ADAMTSL3: variants seen among roughly 807,000 people sequenced by gnomAD.
The protein encoded by ADAMTSL3 is ADAMTS like 3.
Under a neutral mutation model 201.7 loss-of-function variants are expected in ADAMTSL3, and 128 were observed. The observed-to-expected ratio is 0.63, with a 90% CI of 0.55 to 0.73. ADAMTSL3 has a LOEUF of 0.73. ADAMTSL3 is among the 30% of genes least tolerant of loss of function. The pLI, the probability that ADAMTSL3 is intolerant of heterozygous loss-of-function variation, is 0.00. For synonymous variants in ADAMTSL3, 738 were observed against 748.4 expected (o/e 0.99, Z 0.23); for missense variants, 1,990 against 2,119.6 (o/e 0.94, Z 1.20).
intron 27 of ADAMTSL3, 78 bp downstream of exon 27, chr15:84,025,514 A>G: frequency 7.1e-7 from 1 of 1,407,004 alleles, no homozygotes; most frequent in African/African-American, 1.4e-5. Flanking sequence ...CTTGTTTCCA[A>G]TAAACTACTT....
chr15:83,777,679 C>A (rs1482494662), intron 4 of ADAMTSL3, among the ~76,000 whole-genome samples: 1 of 152,144 alleles, frequency 6.6e-6, no homozygotes, highest in African/African-American at 2.4e-5. Context: ...AAAGAATCAG[C>A]ACAAGAACCC....
intron 5 of ADAMTSL3, among the ~76,000 whole-genome samples, chr15:83,814,832 G>C (rs956432713): frequency 3.3e-5 from 5 of 152,092 alleles, no homozygotes; most frequent in African/African-American, 4.8e-5. Flanking sequence ...ATGAAAGCTT[G>C]GTCCAGTCCT....
chr15:84,016,267 G>A, intron 24 of ADAMTSL3, 116 bp from the exon 25 acceptor site: 3 of 728,708 alleles, frequency 4.1e-6, no homozygotes, highest in South Asian at 1.8e-5. Context: ...GTATCCAGGA[G>A]CACAGTATTA....
intron 6 of ADAMTSL3, among the ~76,000 whole-genome samples, chr15:83,829,588 T>C (rs1238864928): frequency 6.6e-6 from 1 of 152,184 alleles, no homozygotes; most frequent in African/African-American, 2.4e-5. Flanking sequence ...GTGCTTGCTC[T>C]TGCTTCTCTA....
In ADAMTSL3 at chr15:83,980,863, T is replaced by C. The variant is rs551639796; in HGVS notation, c.2645-1410T>C. On this transcript the variant is annotated intron_variant, in intron 20 of 29. Transcript: ENST00000286744. ...GAGGCGTGCAAGAGGACTTCAGTTA[T>C]TCTCAGTTCTCAGGGTACCAGTAAA... Among the ~76,000 whole-genome samples, 7 of 152,324 alleles carry C rather than the reference T, an allele frequency of 4.6e-5. No individual in the cohort carries two copies. The East Asian group carries it at 1.4e-3, about 29-fold the overall frequency.
At chr15:83,857,703 T>A (rs1306353613) in intron 7 of ADAMTSL3, among the ~76,000 whole-genome samples, 2 of 152,246 alleles carry the variant, frequency 1.3e-5, no homozygotes, top group African/African-American at 4.8e-5. Context: ...ATTTTCTAAT[T>A]TTTAATAATA....
At chr15:83,735,444 A>G (rs2062354689) in intron 3 of ADAMTSL3, among the ~76,000 whole-genome samples, 1 of 152,220 alleles carries the variant, frequency 6.6e-6, no homozygotes, top group Non-Finnish European at 1.5e-5. Flanking sequence ...TTAGCCCACA[A>G]AGATGAGGAA....
At chr15:83,824,719 A>C (rs2063982443) in intron 6 of ADAMTSL3, 1 of 152,120 alleles carries the variant, frequency 6.6e-6, no homozygotes, top group South Asian at 2.1e-4. Context: ...AATGTCACAG[A>C]GTTGGAATCA....
chr15:83,953,630 T>A (rs887451942), intron 19 of ADAMTSL3, among the ~76,000 whole-genome samples: 1 of 152,144 alleles, frequency 6.6e-6, no homozygotes, highest in Non-Finnish European at 1.5e-5. Flanking sequence ...TACCAGTGAG[T>A]TTTGTACCTT....
intron 9 of ADAMTSL3, among the ~76,000 whole-genome samples, chr15:83,884,123 C>T (rs1036903414): frequency 2.0e-5 from 3 of 151,636 alleles, no homozygotes; most frequent in African/African-American, 7.3e-5. Context: ...AAACTCCTGA[C>T]CTCAGATGAT....
chr15:83,734,937 C>G (rs567187855), intron 3 of ADAMTSL3, among the ~76,000 whole-genome samples: 102 of 152,180 alleles, frequency 6.7e-4, no homozygotes, highest in Non-Finnish European at 1.2e-3. Flanking sequence ...TGAACACCGA[C>G]AGAAAGTAGG....
At chr15:83,936,950 AACCATAGCGAGAT>A (rs1267745597) in intron 17 of ADAMTSL3, among the ~76,000 whole-genome samples, 2 of 150,974 alleles carry the variant, frequency 1.3e-5, no homozygotes, top group Non-Finnish European at 2.9e-5. Context: ...TGCAAATCAA[AACCATAGCGAGAT>A]ACCATCTCTC....
At chr15:83,687,576 C>G (rs2061555200) in intron 2 of ADAMTSL3, among the ~76,000 whole-genome samples, 1 of 152,112 alleles carries the variant, frequency 6.6e-6, no homozygotes, top group African/African-American at 2.4e-5. Context: ...CCTCTGTCCT[C>G]TTTTGCTTGC....
At chr15:83,802,107 T>A (rs1257631979) in intron 4 of ADAMTSL3, among the ~76,000 whole-genome samples, 1 of 152,176 alleles carries the variant, frequency 6.6e-6, no homozygotes, top group South Asian at 2.1e-4. Flanking sequence ...TCATGCAGCA[T>A]TGCCTTTCCT....
chr15:83,763,863 C>G (rs772459297), intron 3 of ADAMTSL3, among the ~76,000 whole-genome samples: 1 of 152,196 alleles, frequency 6.6e-6, no homozygotes, highest in South Asian at 2.1e-4. Context: ...TGTTAAATAA[C>G]TCAGACCTGC....
chr15:83,748,859 T>G (rs2062594159), intron 3 of ADAMTSL3, among the ~76,000 whole-genome samples: 1 of 152,086 alleles, frequency 6.6e-6, no homozygotes, highest in South Asian at 2.1e-4. Context: ...GGAGTAGACC[T>G]TGAAAGACAG....
At position 83,761,670 on chromosome 15, in the gene ADAMTSL3, A is replaced by G. The variant is rs553567001; in HGVS notation, c.190-11853A>G. Among the ~76,000 whole-genome samples, 59 of 152,282 alleles carry G rather than the reference A, an allele frequency of 3.9e-4. No homozygotes were observed. In the South Asian group the frequency reaches 0.012, roughly 31 times the overall value. On this transcript the variant is annotated intron_variant, in intron 3 of 29. Coordinates refer to ENST00000286744, the MANE Select transcript of ADAMTSL3 (RefSeq NM_207517.3). ...TTAATCTTACCTGATGTTGTGTTAT[A>G]TATGCTTCATGATGACTAACCCAAG...
intron 3 of ADAMTSL3, among the ~76,000 whole-genome samples, chr15:83,745,540 C>T (rs2062531293): frequency 6.6e-6 from 1 of 152,160 alleles, no homozygotes; most frequent in Non-Finnish European, 1.5e-5. Flanking sequence ...TTTGCTCCTG[C>T]CAGCACCCAA....
chr15:83,716,359 A>G (rs2062018414), intron 3 of ADAMTSL3, among the ~76,000 whole-genome samples: 1 of 151,892 alleles, frequency 6.6e-6, no homozygotes, highest in South Asian at 2.1e-4. Context: ...ACACACACAC[A>G]CACACAAATT....
Sources: allele counts gnomAD v4.1 joint callset (sites outside exome capture counted in the v4.1 genomes callset), GRCh38; gene constraint gnomAD v4.1.1; transcripts MANE v1.5; gene names NCBI Gene and HGNC (gene_info 2026-07-23, HGNC 2026-07-21).